The following CCDC88C variants were observed in gnomAD, a reference collection of about 807,000 sequenced individuals.
The protein encoded by CCDC88C is coiled-coil and HOOK domain protein 88C.
Under a neutral mutation model 198.8 loss-of-function variants are expected in CCDC88C, and 131 were observed. The ratio of observed to expected loss-of-function variants is 0.66; its 90% CI spans 0.57 to 0.76. The LOEUF is 0.76. CCDC88C is among the 30% of genes least tolerant of loss of function. CCDC88C has a pLI of 0.00. For missense variants in CCDC88C, 2,553 were observed against 2,631.6 expected (o/e 0.97, Z 0.65); for synonymous variants, 1,166 against 1,114.7 (o/e 1.05, Z -0.92).
At position 91,273,318 on chromosome 14, in the gene CCDC88C, A is replaced by G; in HGVS notation, c.5394T>C (p.Ser1798=). 6.4e-7 allele frequency: 1 copy of G among 1,555,288 alleles called. No individual in the cohort carries two copies. Among genetic ancestry groups the G allele is most frequent in the Non-Finnish European group, 8.7e-7 (1 of 1,148,164 alleles). The change falls in exon 30 of 30, where the codon AGT becomes AGC. Residue 1798 remains serine (S), a synonymous_variant. Transcript: ENST00000389857. This position sits in a 1 kb window ranked among gnomAD's most constrained non-coding sequence, Gnocchi z 5.6. The stretch of plus-strand genomic sequence containing the variant: ...GGCTGAAGGCCCGGCTCAAGGAGGC[A>G]CTGCGGCTGGCAGGTGCATGGGAAG... ...PPASHAPASR[S]ASLSRAFSLA...
intron 4 of CCDC88C, among the ~76,000 whole-genome samples, chr14:91,354,977 A>C (rs1017107593): frequency 9.9e-5 from 15 of 152,232 alleles, no homozygotes; most frequent in Non-Finnish European, 1.9e-4. Flanking sequence ...GCCACACTGA[A>C]CAGGGGCTCA....
chr14:91,370,943 C>A (rs550785597), intron 3 of CCDC88C, among the ~76,000 whole-genome samples: 4 of 152,218 alleles, frequency 2.6e-5, no homozygotes, highest in Admixed American at 6.5e-5. Flanking sequence ...GCTCCTTATG[C>A]CATACCAAGA....
chr14:91,335,748 G>A (rs1893020899), intron 10 of CCDC88C, among the ~76,000 whole-genome samples: 2 of 152,238 alleles, frequency 1.3e-5, no homozygotes, highest in Admixed American at 1.3e-4. Flanking sequence ...AAGGTTTCAA[G>A]TCTGGAAGAG....
intron 3 of CCDC88C, among the ~76,000 whole-genome samples, chr14:91,383,235 C>A (rs1361107710): frequency 6.6e-6 from 1 of 152,232 alleles, no homozygotes; most frequent in Non-Finnish European, 1.5e-5. Context: ...CTCTGCCAGG[C>A]CTGGAGTGCC....
Position 91,313,441 on chromosome 14 carries a change from A to G in CCDC88C, c.2375T>C (p.Leu792Pro), listed in dbSNP as rs1891933659. 6.2e-7 allele frequency: 1 copy of G among 1,607,306 alleles called. No individual in the cohort carries two copies. The highest frequency in any genetic ancestry group is 8.5e-7 in the Non-Finnish European group (1 of 1,179,604). The change falls in exon 15 of 30, where the codon CTG becomes CCG. Residue 792 changes from leucine to proline, a missense_variant. Physicochemically the swap from Leu to Pro is moderately conservative, Grantham distance 98. Transcript: ENST00000389857. This position sits in a 1 kb window ranked among gnomAD's most constrained non-coding sequence, Gnocchi z 5.2. The part of the protein sequence containing the change: ...TQTLESELGE[L>P]EAERQALRRD... ...CCGCAGCGCCTGGCGCTCAGCCTCC[A>G]GCTCGCCCAGCTCACTCTCCAAGGT... is the stretch of plus-strand genomic sequence containing the variant.
chr14:91,304,043 G>C, intron 19 of CCDC88C, 65 bp from the exon 20 acceptor site: 2 of 1,549,618 alleles, frequency 1.3e-6, no homozygotes, highest in Non-Finnish European at 1.7e-6. Flanking sequence ...CTGGGGAGCA[G>C]GTCAAGTGCT....
intron 10 of CCDC88C, among the ~76,000 whole-genome samples, chr14:91,330,201 T>C (rs1892760149): frequency 6.6e-6 from 1 of 152,148 alleles, no homozygotes; most frequent in African/African-American, 2.4e-5. Flanking sequence ...CTGCCTGCAG[T>C]CAGGAGGGGT....
chr14:91,389,376 AAGTT>A (rs1885346159), intron 3 of CCDC88C, among the ~76,000 whole-genome samples: 2 of 152,306 alleles, frequency 1.3e-5, no homozygotes, highest in African/African-American at 4.8e-5. Context: ...ATGTGATTCC[AAGTT>A]CAAAGTCAAG....
chr14:91,278,653 G>C (rs943801191), intron 28 of CCDC88C, among the ~76,000 whole-genome samples: 2 of 152,062 alleles, frequency 1.3e-5, no homozygotes, highest in African/African-American at 4.8e-5. Context: ...AATGGAACTA[G>C]TGTTACTCTC....
At chr14:91,285,720 G>C in intron 25 of CCDC88C, 1 of 1,289,010 alleles carries the variant, frequency 7.8e-7, no homozygotes, top group Non-Finnish European at 1.0e-6. Flanking sequence ...GGAGAGGATG[G>C]GATGTCGGAG....
intron 25 of CCDC88C, among the ~76,000 whole-genome samples, chr14:91,287,213 TAAAA>T (rs1404397530): frequency 6.6e-6 from 1 of 152,160 alleles, no homozygotes; most frequent in African/African-American, 2.4e-5. Context: ...CCCTCTAGCT[TAAAA>T]AAAGTTAAGC....
At position 91,405,590 on chromosome 14, in the gene CCDC88C, A is replaced by G. The variant is rs558091786; in HGVS notation, c.270+3069T>C. Among the ~76,000 whole-genome samples the G allele has an allele frequency of 8.9e-4, 136 of 152,340 alleles. 1 individual carries two copies. The highest frequency in any genetic ancestry group is 3.4e-3 in the Middle Eastern group (1 of 294). On this transcript the variant is annotated intron_variant, in intron 3 of 29. Coordinates refer to ENST00000389857, the MANE Select transcript of CCDC88C (RefSeq NM_001080414.4). ...CGCAATTGTATATATGGCAACAACC[A>G]CAATGGCATAAAACAAAAACTATTC...
intron 3 of CCDC88C, among the ~76,000 whole-genome samples, chr14:91,406,622 T>G (rs900043964): frequency 2.6e-5 from 4 of 152,230 alleles, no homozygotes; most frequent in African/African-American, 9.6e-5. Flanking sequence ...GTGCTTCCCC[T>G]AGCACTCAGC....
chr14:91,318,716 G>A (rs955655143), intron 13 of CCDC88C, among the ~76,000 whole-genome samples: 1 of 151,964 alleles, frequency 6.6e-6, no homozygotes, highest in African/African-American at 2.4e-5. Context: ...CTGAAGTCAG[G>A]AGACCAGCCT....
chr14:91,402,533 T>C (rs765790187), intron 3 of CCDC88C, among the ~76,000 whole-genome samples: 1 of 152,248 alleles, frequency 6.6e-6, no homozygotes, highest in East Asian at 1.9e-4. Flanking sequence ...GTGTATAGTG[T>C]GCACACACGC....
chr14:91,294,860 T>C (rs1172110356), intron 22 of CCDC88C, among the ~76,000 whole-genome samples: 2 of 152,314 alleles, frequency 1.3e-5, no homozygotes, highest in East Asian at 1.9e-4. Context: ...GGTTTCATCA[T>C]GTTGGCAGGC....
At chr14:91,394,515 G>A (rs750760366) in intron 3 of CCDC88C, among the ~76,000 whole-genome samples, 2 of 152,228 alleles carry the variant, frequency 1.3e-5, no homozygotes, top group African/African-American at 2.4e-5. Context: ...CAGGCCTGGT[G>A]TGACACCGTG....
intron 14 of CCDC88C, among the ~76,000 whole-genome samples, chr14:91,314,537 T>C (rs2139808340): frequency 6.6e-6 from 1 of 152,362 alleles, no homozygotes; most frequent in Middle Eastern, 3.4e-3. Flanking sequence ...TTGCACATGC[T>C]GATCCCTCTG....
rs956022604 is a variant in CCDC88C at position 91,333,227 on chromosome 14, T to C, written c.1050+4778A>G. ...TATTTTAATGGTATAGATCTGCTAA[T>C]GAATTCTCTTCGAAACATATACTTA... On this transcript the variant is annotated intron_variant, in intron 10 of 29. Coordinates refer to ENST00000389857, the MANE Select transcript of CCDC88C (RefSeq NM_001080414.4). 4.6e-5 allele frequency among the ~76,000 whole-genome samples: 7 copies of C among 152,244 alleles called. No individual in the cohort carries two copies. The South Asian group carries it at 6.2e-4, about 13-fold the overall frequency.
Sources: allele counts gnomAD v4.1 joint callset (sites outside exome capture counted in the v4.1 genomes callset), GRCh38; gene constraint gnomAD v4.1.1; non-coding constraint Gnocchi (gnomAD v3.1); transcripts MANE v1.5; gene names NCBI Gene and HGNC (gene_info 2026-07-23, HGNC 2026-07-21).